ST8SIA1: variants seen among roughly 807,000 people sequenced by gnomAD.
ST8SIA1 encodes the protein alpha-N-acetylneuraminide alpha-2,8-sialyltransferase.
A neutral mutation model predicts 35.9 loss-of-function variants in ST8SIA1; 16 were observed. That is an observed-to-expected ratio of 0.45 (90% CI 0.30 to 0.68). The LOEUF (loss-of-function observed/expected upper bound fraction) is 0.68. Among genes scored for constraint, ST8SIA1 ranks in the 30% least tolerant of loss-of-function variants. The pLI is 0.09. For missense variants in ST8SIA1, 383 were observed against 453.6 expected (o/e 0.84, Z 1.41); for synonymous variants, 170 against 169.6 (o/e 1.00, Z -0.02).
chr12:22,305,432 G>A (rs1407455313), intron 1 of ST8SIA1, among the ~76,000 whole-genome samples: 6 of 147,982 alleles, frequency 4.1e-5, no homozygotes, highest in Non-Finnish European at 8.9e-5. Flanking sequence ...CCAGGCTGGA[G>A]TGCAATGGCG....
intron 4 of ST8SIA1, among the ~76,000 whole-genome samples, chr12:22,235,605 T>C (rs946014253): frequency 2.0e-5 from 3 of 152,204 alleles, no homozygotes; most frequent in Non-Finnish European, 2.9e-5. Context: ...ATATATGGAA[T>C]TGGTAAGATA....
chr12:22,304,341 T>C (rs1207526679), intron 1 of ST8SIA1, among the ~76,000 whole-genome samples: 29 of 144,704 alleles, frequency 2.0e-4, no homozygotes, highest in African/African-American at 7.0e-4. Context: ...TTTCTTTTTT[T>C]TTTTTTTTTT....
Position 22,237,640 on chromosome 12 carries a change from T to C in ST8SIA1, c.584+11366A>G, listed in dbSNP as rs146063742. Among the ~76,000 whole-genome samples, 1,091 of 151,930 alleles carry C rather than the reference T, an allele frequency of 7.2e-3. 10 individuals are homozygous for C. Among genetic ancestry groups the C allele is most frequent in the African/African-American group, 0.024 (1,005 of 41,536 alleles). ...ATCTTTGTATAGTATACCATCAATA[T>C]GGATATATCATAAGTTACAAAATCA... On this transcript the variant is annotated intron_variant, in intron 4 of 4. Transcript: ENST00000396037.
At chr12:22,321,872 GGTTGA>G (rs1263379864) in intron 1 of ST8SIA1, among the ~76,000 whole-genome samples, 1 of 152,232 alleles carries the variant, frequency 6.6e-6, no homozygotes, top group Non-Finnish European at 1.5e-5. Context: ...CAGGGTGGCA[GGTTGA>G]GTTGAGAACA....
At chr12:22,298,012 T>G (rs1035794244) in intron 1 of ST8SIA1, among the ~76,000 whole-genome samples, 11 of 152,138 alleles carry the variant, frequency 7.2e-5, no homozygotes, top group Non-Finnish European at 1.6e-4. Context: ...TAATCAATCA[T>G]GCCTACATAA....
intron 2 of ST8SIA1, among the ~76,000 whole-genome samples, chr12:22,277,105 C>T (rs1376276527): frequency 6.6e-6 from 1 of 152,140 alleles, no homozygotes; most frequent in Non-Finnish European, 1.5e-5. Context: ...GTTTCAGGTT[C>T]CCTTTCTTAG....
chr12:22,279,170 A>AT (rs147349841), intron 2 of ST8SIA1, among the ~76,000 whole-genome samples: 8,246 of 152,300 alleles, frequency 0.054, 336 homozygotes, highest in East Asian at 0.15. Flanking sequence ...GCCCTGAGCA[A>AT]TGTGGGTCAA....
chr12:22,282,448 C>T (rs531683664), intron 2 of ST8SIA1, among the ~76,000 whole-genome samples: 2 of 152,134 alleles, frequency 1.3e-5, no homozygotes, highest in Admixed American at 6.5e-5. Context: ...TTAGACATGC[C>T]CATGTGACTC....
At chr12:22,305,434 G>T (rs1866372644) in intron 1 of ST8SIA1, among the ~76,000 whole-genome samples, 2 of 147,156 alleles carry the variant, frequency 1.4e-5, no homozygotes, top group Admixed American at 1.4e-4. Context: ...AGGCTGGAGT[G>T]CAATGGCGTG....
intron 4 of ST8SIA1, among the ~76,000 whole-genome samples, chr12:22,229,790 T>C (rs182699022): frequency 5.9e-5 from 9 of 152,108 alleles, no homozygotes; most frequent in Admixed American, 1.3e-4. Context: ...CTAAGTGGAG[T>C]TGGCCAGTAG....
chr12:22,299,432 G>A (rs540236682), intron 1 of ST8SIA1, among the ~76,000 whole-genome samples: 81 of 152,160 alleles, frequency 5.3e-4, no homozygotes, highest in African/African-American at 1.7e-3. Context: ...TAGAATAAAA[G>A]GTCTGGTTGT....
At chr12:22,277,045 A>G (rs1014549906) in intron 2 of ST8SIA1, among the ~76,000 whole-genome samples, 1 of 152,168 alleles carries the variant, frequency 6.6e-6, no homozygotes, top group African/African-American at 2.4e-5. Flanking sequence ...CAATCACCCC[A>G]GGGGAATGGT....
rs572842023 is a variant in ST8SIA1 at position 22,255,093 on chromosome 12, G to A, written c.491+187C>T. Reference sequence around the variant, plus strand: ...AGCCTTCTTGGCTTTGTCCTTTCTCGGGGCATGTTCCCTCGCTCCCCTTAC... The same window carrying A: ...AGCCTTCTTGGCTTTGTCCTTTCTCAGGGCATGTTCCCTCGCTCCCCTTAC... On this transcript the variant is annotated intron_variant, in intron 3 of 4. Coordinates refer to ENST00000396037, the MANE Select transcript of ST8SIA1 (RefSeq NM_003034.4). Among the ~76,000 whole-genome samples, 6 of 152,086 alleles carry A rather than the reference G, an allele frequency of 3.9e-5. No homozygotes were observed. In the East Asian group the frequency reaches 9.7e-4, roughly 25 times the overall value.
At chr12:22,210,949 T>G (rs1865169489) in intron 4 of ST8SIA1, among the ~76,000 whole-genome samples, 1 of 152,218 alleles carries the variant, frequency 6.6e-6, no homozygotes, top group Non-Finnish European at 1.5e-5. Flanking sequence ...TCGTGCTGTT[T>G]CTGTACCTCA....
At chr12:22,273,654 C>T (rs1865937920) in intron 2 of ST8SIA1, among the ~76,000 whole-genome samples, 1 of 152,282 alleles carries the variant, frequency 6.6e-6, no homozygotes, top group South Asian at 2.1e-4. Context: ...TATTAATGAA[C>T]TCCAAGTCTC....
chr12:22,248,832 T>C lies in ST8SIA1; in HGVS notation c.584+174A>G, dbSNP rs1591834251. The C allele has an allele frequency of 3.2e-5, 17 of 536,392 alleles. No homozygotes were observed. The East Asian group carries it at 5.1e-4, about 16-fold the overall frequency. The allele number at this position is 536,392 out of a possible 1,614,324, so 33.2% of individuals were successfully genotyped here. A position where few individuals can be genotyped will look rare whatever the true frequency, so the allele number is the denominator to read the frequency against. Reference sequence around the variant, plus strand: ...TCCCAGAGGAAGCATAAAATATTGTTTGGATTCCCATAATCCTGTTTTCTT... The same window carrying C: ...TCCCAGAGGAAGCATAAAATATTGTCTGGATTCCCATAATCCTGTTTTCTT... On this transcript the variant is annotated intron_variant, in intron 4 of 4. Transcript: ENST00000396037.
intron 2 of ST8SIA1, among the ~76,000 whole-genome samples, chr12:22,258,015 C>T (rs2135798096): frequency 6.6e-6 from 1 of 151,738 alleles, no homozygotes; most frequent in South Asian, 2.1e-4. Context: ...AGAATATGTC[C>T]AGAATCTGGC....
chr12:22,285,884 A>AAACAAAAAAAC (rs1565586750), intron 2 of ST8SIA1, among the ~76,000 whole-genome samples: 2 of 150,728 alleles, frequency 1.3e-5, no homozygotes, highest in African/African-American at 4.9e-5. Flanking sequence ...AAACAAAAAA[A>AAACAAAAAAAC]AAAAAAAAAA....
At position 22,198,912 on chromosome 12, in the gene ST8SIA1, T is replaced by C. The variant is rs1362278156; in HGVS notation, c.*2640A>G. ...ACCCTTGAGTCATGAAAATAAAAAA[T>C]GTCTCTGGTCTCCAGACATTGCCAA... is the stretch of plus-strand genomic sequence containing the variant. On this transcript the variant is annotated 3_prime_UTR_variant, in exon 5 of 5. Transcript: ENST00000396037. 1 of 152,080 alleles carries C rather than the reference T, an allele frequency of 6.6e-6. No homozygotes were observed. The highest frequency in any genetic ancestry group is 1.5e-5 in the Non-Finnish European group (1 of 68,022). The allele number at this position is 152,080 out of a possible 1,614,324, so 9.4% of individuals were successfully genotyped here.
Sources: gnomAD v4.1 joint callset for allele counts (sites outside exome capture counted in the v4.1 genomes callset) on GRCh38, gnomAD v4.1.1 for gene constraint, MANE v1.5 for transcripts, NCBI Gene and HGNC (gene_info 2026-07-23, HGNC 2026-07-21) for gene names.